ITGA8: variants seen among roughly 807,000 people sequenced by gnomAD.
The protein encoded by ITGA8 is integrin subunit alpha 8.
Under a neutral mutation model 142.3 loss-of-function variants are expected in ITGA8, and 91 were observed. The ratio of observed to expected loss-of-function variants is 0.64; its 90% CI spans 0.54 to 0.76. ITGA8 has a LOEUF of 0.76. Ranked by LOEUF, ITGA8 falls within the 30% of genes least tolerant of loss-of-function variation. The pLI is 0.00. For missense variants in ITGA8, 1,406 were observed against 1,327.7 expected (o/e 1.06, Z -0.92); for synonymous variants, 505 against 485.2 (o/e 1.04, Z -0.54).
chr10:15,671,699 T>C (rs756483067), intron 7 of ITGA8, 52 bp from the exon 8 acceptor site: 110 of 1,420,168 alleles, frequency 7.7e-5, no homozygotes, highest in Non-Finnish European at 8.2e-5. Context: ...CTTAACCTAA[T>C]GAGTTATATC....
chr10:15,587,429 A>T (rs896634293), intron 22 of ITGA8, among the ~76,000 whole-genome samples: 2 of 152,180 alleles, frequency 1.3e-5, no homozygotes, highest in African/African-American at 4.8e-5. Context: ...TACATAATCG[A>T]AACAGCATTT....
intron 2 of ITGA8, among the ~76,000 whole-genome samples, chr10:15,713,411 G>A (rs1835396265): frequency 6.6e-6 from 1 of 152,016 alleles, no homozygotes; most frequent in Non-Finnish European, 1.5e-5. Context: ...GTTATCTTTG[G>A]GCTTCCGTCT....
At chr10:15,662,528 A>G (rs1368930919) in intron 8 of ITGA8, among the ~76,000 whole-genome samples, 3 of 151,762 alleles carry the variant, frequency 2.0e-5, no homozygotes, top group Non-Finnish European at 4.4e-5. Context: ...TTGTAGAGAC[A>G]GGGTCTCACT....
chr10:15,694,260 A>ATT (rs1834994929), intron 2 of ITGA8, among the ~76,000 whole-genome samples: 1 of 98,538 alleles, frequency 1.0e-5, no homozygotes, highest in African/African-American at 3.5e-5. Flanking sequence ...GATAACATAT[A>ATT]CATCAGATAA....
intron 2 of ITGA8, among the ~76,000 whole-genome samples, chr10:15,696,114 G>C (rs781396762): frequency 1.3e-5 from 2 of 152,180 alleles, no homozygotes; most frequent in Non-Finnish European, 2.9e-5. Context: ...GCCGCCTGTC[G>C]TCTGAAGCAG....
chr10:15,564,515 G>T (rs1160238248), intron 25 of ITGA8, among the ~76,000 whole-genome samples: 1 of 152,194 alleles, frequency 6.6e-6, no homozygotes, highest in Non-Finnish European at 1.5e-5. Context: ...ACTTCTTTCT[G>T]CAATAAGGAA....
rs1832972222 is a variant in ITGA8 at position 15,516,930 on chromosome 10, T to C, written c.*228A>G. ...AAAGCAAAAGAAAATCTTCCACAAT[T>C]GCTGATGGCTTCTCCAGCTTTGGTG... On this transcript the variant is annotated 3_prime_UTR_variant, in exon 30 of 30. Coordinates refer to ENST00000378076, the MANE Select transcript of ITGA8 (RefSeq NM_003638.3). The C allele has an allele frequency of 2.4e-6, 1 of 416,138 alleles. No individual in the cohort carries two copies. Among genetic ancestry groups the C allele is most frequent in the Non-Finnish European group, 4.3e-6 (1 of 231,026 alleles). 25.8% of individuals were successfully genotyped at this position (416,138 alleles called of 1,614,324 possible). A position where few individuals can be genotyped will look rare whatever the true frequency, so the allele number is the denominator to read the frequency against.
rs556541103 is a variant in ITGA8 at position 15,607,795 on chromosome 10, T to C, written c.1646A>G (p.Gln549Arg). ...GAGCGTCCGTTTAATAGCTCCTTTC[T>C]GTTTCAGGGAATCTAATTGCACCTC... ...MAEVQLDSLK[Q>R]KGAIKRTLFL... The change falls in exon 17 of 30, where the codon CAG (glutamine) becomes CGG (arginine). Residue 549 changes from glutamine to arginine, a missense_variant. Coordinates refer to ENST00000378076, the MANE Select transcript of ITGA8 (RefSeq NM_003638.3). 1.9e-6 allele frequency: 3 copies of C among 1,612,586 alleles called. No individual in the cohort carries two copies. Among genetic ancestry groups the C allele is most frequent in the African/African-American group, 1.3e-5 (1 of 74,736 alleles).
At chr10:15,529,048 C>A (rs1833239129) in intron 28 of ITGA8, among the ~76,000 whole-genome samples, 1 of 147,254 alleles carries the variant, frequency 6.8e-6, no homozygotes, top group Non-Finnish European at 1.5e-5. Flanking sequence ...TTTCTCCTTC[C>A]TTCCTTCCTT....
chr10:15,638,528 A>G (rs1190773611), intron 13 of ITGA8, among the ~76,000 whole-genome samples: 1 of 152,212 alleles, frequency 6.6e-6, no homozygotes, highest in Non-Finnish European at 1.5e-5. Context: ...GCTGCTAAGC[A>G]TTTTGTCACC....
At chr10:15,553,236 G>A (rs906886636) in intron 26 of ITGA8, among the ~76,000 whole-genome samples, 8 of 150,870 alleles carry the variant, frequency 5.3e-5, no homozygotes, top group African/African-American at 1.2e-4. Context: ...CAGCCTGGGC[G>A]ACAGAACGAG....
intron 2 of ITGA8, among the ~76,000 whole-genome samples, chr10:15,694,191 ATGATAATATAT>A (rs1564412146): frequency 7.3e-5 from 10 of 137,062 alleles, no homozygotes; most frequent in African/African-American, 2.7e-4. Context: ...TATCATATAT[ATGATAATATAT>A]CATATATATG....
chr10:15,517,422 C>T (rs1421124875), intron 29 of ITGA8, among the ~76,000 whole-genome samples, 178 bp from the exon 30 acceptor site: 4 of 152,072 alleles, frequency 2.6e-5, no homozygotes, highest in Admixed American at 1.3e-4. Flanking sequence ...CCTCCCGGTT[C>T]AAGCGATTCT....
At chr10:15,566,237 C>T (rs993965551) in intron 25 of ITGA8, among the ~76,000 whole-genome samples, 2 of 152,138 alleles carry the variant, frequency 1.3e-5, no homozygotes, top group South Asian at 2.1e-4. Context: ...GAGACATTCT[C>T]GGCGGCAACC....
At chr10:15,556,020 T>C (rs906791737) in intron 26 of ITGA8, among the ~76,000 whole-genome samples, 52 of 69,736 alleles carry the variant, frequency 7.5e-4, no homozygotes, top group African/African-American at 2.6e-3. Flanking sequence ...CTCTCTCTCT[T>C]TTTTTTTTTT....
chr10:15,672,301 G>C (rs1021623764), intron 7 of ITGA8, among the ~76,000 whole-genome samples: 1 of 152,192 alleles, frequency 6.6e-6, no homozygotes, highest in Non-Finnish European at 1.5e-5. Context: ...GTGCGTCTCT[G>C]TTAACTAAGA....
intron 27 of ITGA8, among the ~76,000 whole-genome samples, chr10:15,533,405 T>C (rs1833351493): frequency 6.6e-6 from 1 of 152,224 alleles, no homozygotes; most frequent in Non-Finnish European, 1.5e-5. Context: ...TTTTGTTTGT[T>C]TGAGAAGGGT....
intron 28 of ITGA8, among the ~76,000 whole-genome samples, chr10:15,521,997 C>T (rs1208645112): frequency 6.6e-6 from 1 of 152,138 alleles, no homozygotes; most frequent in African/African-American, 2.4e-5. Flanking sequence ...CAAACATAGT[C>T]AGGTAGAAGG....
At chr10:15,696,524 A>C (rs999048567) in intron 2 of ITGA8, among the ~76,000 whole-genome samples, 1 of 152,206 alleles carries the variant, frequency 6.6e-6, no homozygotes, top group African/African-American at 2.4e-5. Flanking sequence ...CTGAGCCTCA[A>C]ATTAAAGCAG....
Sources: gnomAD v4.1 joint callset for allele counts (sites outside exome capture counted in the v4.1 genomes callset) on GRCh38, gnomAD v4.1.1 for gene constraint, MANE v1.5 for transcripts, NCBI Gene and HGNC (gene_info 2026-07-23, HGNC 2026-07-21) for gene names.